The following GRID2 variants were observed in gnomAD, a reference collection of about 807,000 sequenced individuals.
The protein encoded by GRID2 is glutamate receptor ionotropic, delta-2.
GRID2 carries 33 observed loss-of-function variants against 114.8 expected under a neutral mutation model. That is an observed-to-expected ratio of 0.29 (90% CI 0.22 to 0.38). The LOEUF (loss-of-function observed/expected upper bound fraction) is 0.38. Ranked by LOEUF, GRID2 falls within the 10% of genes least tolerant of loss-of-function variation. GRID2 has a pLI of 1.00. For synonymous variants in GRID2, 505 were observed against 449.9 expected, an observed-to-expected ratio of 1.12 and a Z score of -1.55; for missense variants, 1,184 against 1,257.7, an observed-to-expected ratio of 0.94 and a Z score of 0.89.
At chr4:92,705,879 T>C (rs1490308274) in intron 2 of GRID2, among the ~76,000 whole-genome samples, 1 of 152,202 alleles carries the variant, frequency 6.6e-6, no homozygotes, top group Non-Finnish European at 1.5e-5. Flanking sequence ...AAAATCTATA[T>C]GGCTAGGACC....
intron 14 of GRID2, among the ~76,000 whole-genome samples, chr4:93,722,493 G>C (rs752866514): frequency 1.3e-5 from 2 of 152,064 alleles, no homozygotes; most frequent in Non-Finnish European, 2.9e-5. Context: ...CACATATCTA[G>C]AATCAAGTTC....
chr4:93,170,389 C>A (rs1055519281), intron 4 of GRID2, among the ~76,000 whole-genome samples: 2 of 152,024 alleles, frequency 1.3e-5, no homozygotes, highest in Non-Finnish European at 2.9e-5. Flanking sequence ...GGGCCCCCCC[C>A]TTTTTTAATT....
At chr4:93,270,340 C>T (rs1043929630) in intron 8 of GRID2, among the ~76,000 whole-genome samples, 2 of 151,532 alleles carry the variant, frequency 1.3e-5, no homozygotes, top group Non-Finnish European at 2.9e-5. Flanking sequence ...GATGCAATGC[C>T]GATTACACTC....
chr4:92,726,859 A>G (rs986410365), intron 2 of GRID2, among the ~76,000 whole-genome samples: 1 of 152,060 alleles, frequency 6.6e-6, no homozygotes, highest in African/African-American at 2.4e-5. Flanking sequence ...CTTCAGAATC[A>G]GACTATGAAG....
At chr4:93,065,798 C>A (rs1728241053) in intron 2 of GRID2, among the ~76,000 whole-genome samples, 1 of 151,798 alleles carries the variant, frequency 6.6e-6, no homozygotes, top group Non-Finnish European at 1.5e-5. Flanking sequence ...CCTTATGGTT[C>A]TTTAAGCTCC....
chr4:92,378,232 T>G (rs1459253035), intron 1 of GRID2, among the ~76,000 whole-genome samples: 1 of 152,096 alleles, frequency 6.6e-6, no homozygotes, highest in Admixed American at 6.6e-5. Flanking sequence ...TAGATTAACT[T>G]AAATTTTATC....
At chr4:92,615,579 T>C (rs1354500444) in intron 2 of GRID2, among the ~76,000 whole-genome samples, 1 of 151,686 alleles carries the variant, frequency 6.6e-6, no homozygotes, top group African/African-American at 2.4e-5. Flanking sequence ...TCAAAATTTA[T>C]GCCATTTACT....
chr4:92,910,228 T>G (rs1176416853), intron 2 of GRID2, among the ~76,000 whole-genome samples: 1 of 151,710 alleles, frequency 6.6e-6, no homozygotes, highest in Non-Finnish European at 1.5e-5. Context: ...AAAAAAAAAG[T>G]AAATGCTCAG....
At chr4:92,803,339 C>A (rs917713808) in intron 2 of GRID2, among the ~76,000 whole-genome samples, 1 of 151,818 alleles carries the variant, frequency 6.6e-6, no homozygotes, top group Non-Finnish European at 1.5e-5. Flanking sequence ...TTATACAATG[C>A]ATATTTTGTT....
At chr4:92,528,156 G>A (rs1289980608) in intron 1 of GRID2, among the ~76,000 whole-genome samples, 4 of 151,604 alleles carry the variant, frequency 2.6e-5, no homozygotes, top group African/African-American at 9.7e-5. Flanking sequence ...CAGCTTAGGT[G>A]GTTCATGATT....
chr4:92,942,162 A>G (rs972409902), intron 2 of GRID2, among the ~76,000 whole-genome samples: 1 of 152,170 alleles, frequency 6.6e-6, no homozygotes, highest in African/African-American at 2.4e-5. Flanking sequence ...TAATGTTGAC[A>G]GTGGGGTGTT....
intron 2 of GRID2, among the ~76,000 whole-genome samples, chr4:92,676,168 C>CT (rs1207727760): frequency 6.3e-5 from 6 of 95,714 alleles, no homozygotes; most frequent in Non-Finnish European, 1.1e-4. Flanking sequence ...CCCCCCCCCC[C>CT]CCTTTTTTTT....
At chr4:92,542,045 A>G (rs1299391835) in intron 1 of GRID2, among the ~76,000 whole-genome samples, 2 of 152,186 alleles carry the variant, frequency 1.3e-5, no homozygotes, top group Non-Finnish European at 2.9e-5. Flanking sequence ...AAGAAAGGCC[A>G]TATCACAATG....
rs533104134 is a variant in GRID2 at position 92,585,883 on chromosome 4, A to G, written c.89-4248A>G. ...ACTTGGGTTTTCTGGAATCGTAATA[A>G]TGCCTGTGACAACAAATTAACATGC... On this transcript the variant is annotated intron_variant, in intron 1 of 15. Transcript: ENST00000282020. Among the ~76,000 whole-genome samples the G allele has an allele frequency of 2.6e-5, 4 of 152,056 alleles. No homozygotes were observed. The South Asian group carries it at 8.3e-4, about 31-fold the overall frequency.
At chr4:92,542,159 G>T (rs1725998171) in intron 1 of GRID2, among the ~76,000 whole-genome samples, 1 of 152,090 alleles carries the variant, frequency 6.6e-6, no homozygotes, top group African/African-American at 2.4e-5. Context: ...TAATTATGGA[G>T]TGACCAAAAG....
chr4:93,497,029 T>C (rs1727619225), intron 12 of GRID2, among the ~76,000 whole-genome samples: 1 of 151,772 alleles, frequency 6.6e-6, no homozygotes. Flanking sequence ...TGTCTGCATC[T>C]GTGTCAGCAT....
At chr4:92,368,773 T>C (rs1398939470) in intron 1 of GRID2, among the ~76,000 whole-genome samples, 36 of 151,978 alleles carry the variant, frequency 2.4e-4, no homozygotes, top group Non-Finnish European at 1.5e-5. Flanking sequence ...GCCAGAAAAT[T>C]GAAGGGTGTT....
chr4:93,202,787 C>T (rs1047846427), intron 4 of GRID2, among the ~76,000 whole-genome samples: 1 of 152,060 alleles, frequency 6.6e-6, no homozygotes, highest in African/African-American at 2.4e-5. Flanking sequence ...TTTGTAAGTG[C>T]TCACTCCATA....
At chr4:93,674,506 A>G (rs2110073313) in intron 14 of GRID2, among the ~76,000 whole-genome samples, 1 of 152,300 alleles carries the variant, frequency 6.6e-6, no homozygotes, top group Admixed American at 6.5e-5. Flanking sequence ...GTGAATGTAT[A>G]AGCACTCATT....
Sources: gnomAD v4.1 joint callset for allele counts (sites outside exome capture counted in the v4.1 genomes callset) on GRCh38, gnomAD v4.1.1 for gene constraint, MANE v1.5 for transcripts, NCBI Gene and HGNC (gene_info 2026-07-23, HGNC 2026-07-21) for gene names.